SNRPB: variants seen among roughly 807,000 people sequenced by gnomAD.
The protein encoded by SNRPB is small nuclear ribonucleoprotein-associated proteins B and B'.
In SNRPB, 5 loss-of-function variants were observed where a neutral mutation model predicts 26.6. The ratio of observed to expected loss-of-function variants is 0.19; its 90% CI spans 0.10 to 0.39. The LOEUF is 0.39. Among genes scored for constraint, SNRPB ranks in the 10% least tolerant of loss-of-function variants. SNRPB has a pLI of 1.00. For synonymous variants in SNRPB, 122 were observed against 105.8 expected, an observed-to-expected ratio of 1.15 and a Z score of -0.94; for missense variants, 211 against 311.9, an observed-to-expected ratio of 0.68 and a Z score of 2.44.
intron 1 of SNRPB, among the ~76,000 whole-genome samples, chr20:2,469,593 T>C (rs1278834176): frequency 6.6e-6 from 1 of 152,168 alleles, no homozygotes; most frequent in Admixed American, 6.5e-5. Context: ...CTTGGGAGGC[T>C]GAGGCAGGAG....
At chr20:2,462,037 G>T in intron 6 of SNRPB, 98 bp from the exon 7 acceptor site, 1 of 818,138 alleles carries the variant, frequency 1.2e-6, no homozygotes, top group South Asian at 1.5e-5. Flanking sequence ...CGAGTGAGGA[G>T]AGGGGTATAC....
rs201957068 is a variant in SNRPB at position 2,461,882 on chromosome 20, C to T, written c.*47G>A. 9.3e-6 allele frequency: 15 copies of T among 1,613,884 alleles called. No individual in the cohort carries two copies. Among genetic ancestry groups the T allele is most frequent in the East Asian group, 4.5e-5 (2 of 44,876 alleles). ...CTGTGGTAACGTGGCCCTGAGGAAT[C>T]GAGCCCACGCCTCTGCGGAGCTACT... On this transcript the variant is annotated 3_prime_UTR_variant, in exon 7 of 7. Coordinates refer to ENST00000381342, the MANE Select transcript of SNRPB (RefSeq NM_003091.4).
Position 2,463,148 on chromosome 20 carries a change from T to C in SNRPB, c.500A>G (p.Gln167Arg). The change falls in exon 5 of 7, where the codon CAG (glutamine) becomes CGG (arginine). Residue 167 changes from glutamine (Q) to arginine (R), a missense_variant. Transcript: ENST00000381342. This position sits in a 1 kb window ranked among gnomAD's most constrained non-coding sequence, Gnocchi z 5.0. ...ATASIAGAPT[Q>R]YPPGRGGPPP... ...AGGACCCCCACGGCCAGGTGGGTACTGGGTTGGAGCCCCGGCAATACTGGC... is the reference window on the plus strand; with the variant it reads ...AGGACCCCCACGGCCAGGTGGGTACCGGGTTGGAGCCCCGGCAATACTGGC... 6.2e-7 allele frequency: 1 copy of C among 1,612,496 alleles called. No homozygotes were observed. The highest frequency in any genetic ancestry group is 1.1e-5 in the South Asian group (1 of 90,948).
intron 3 of SNRPB, among the ~76,000 whole-genome samples, chr20:2,464,797 G>A (rs772564481): frequency 2.6e-5 from 4 of 151,782 alleles, no homozygotes; most frequent in Non-Finnish European, 4.4e-5. Context: ...TTGAACCCGG[G>A]AGGCAGAGGT....
Position 2,463,183 on chromosome 20 carries a change from A to AGCTGCAGCG in SNRPB, c.456_464dup (p.Ala155_Ala157dup), listed in dbSNP as rs774021768. 1 of 1,608,176 alleles carries AGCTGCAGCG rather than the reference A, an allele frequency of 6.2e-7. No homozygotes were observed. Among genetic ancestry groups the AGCTGCAGCG allele is most frequent in the African/African-American group, 1.3e-5 (1 of 74,818 alleles). ...CCCCGGCAATACTGGCTGTGGCAGC[A>AGCTGCAGCG]GCTGCAGCGGCTGCAACAGTACCTC... On this transcript the variant is annotated inframe_insertion, in exon 5 of 7. Transcript: ENST00000381342. The surrounding 1 kb of genome is among the most constrained non-coding windows in gnomAD (Gnocchi z 5.0).
intron 6 of SNRPB, 27 bp downstream of exon 6, chr20:2,462,609 G>T (rs1281658833): frequency 6.2e-7 from 1 of 1,607,600 alleles, no homozygotes; most frequent in Non-Finnish European, 8.5e-7. Context: ...AGGGAAAGAA[G>T]CCAAAGTCAC....
chr20:2,468,051 T>C (rs2085086361), intron 1 of SNRPB, among the ~76,000 whole-genome samples: 2 of 152,156 alleles, frequency 1.3e-5, no homozygotes, highest in Admixed American at 1.3e-4. Context: ...GTATAGGGTG[T>C]CCCCAAAATA....
chr20:2,463,643 A>G lies in SNRPB; in HGVS notation c.420+104T>C. On this transcript the variant is annotated intron_variant, in intron 4 of 6. Transcript: ENST00000381342. This position sits in a 1 kb window ranked among gnomAD's most constrained non-coding sequence, Gnocchi z 5.0. Reference sequence around the variant, plus strand: ...ACCACAGTGAAACACTGATAGTCTGACAATCACAGGTTGGTCACTCTGGAC... The same window carrying G: ...ACCACAGTGAAACACTGATAGTCTGGCAATCACAGGTTGGTCACTCTGGAC... 1 of 801,412 alleles carries G rather than the reference A, an allele frequency of 1.2e-6. No individual in the cohort carries two copies. The highest frequency in any genetic ancestry group is 1.7e-5 in the African/African-American group (1 of 57,838). The allele number at this position is 801,412 out of a possible 1,614,324, so 49.6% of individuals were successfully genotyped here.
chr20:2,470,161 T>A (rs776738162), intron 1 of SNRPB, among the ~76,000 whole-genome samples: 3 of 152,232 alleles, frequency 2.0e-5, no homozygotes, highest in Non-Finnish European at 4.4e-5. Flanking sequence ...GGAAACGTGA[T>A]GAGCAACTGA....
chr20:2,464,379 T>C (rs1312798250), intron 3 of SNRPB, among the ~76,000 whole-genome samples: 1 of 152,250 alleles, frequency 6.6e-6, no homozygotes, highest in Non-Finnish European at 1.5e-5. Flanking sequence ...GACCAGCCAA[T>C]TCTACTGGAA....
chr20:2,469,601 G>A lies in SNRPB; in HGVS notation c.3+1087C>T, dbSNP rs141181660. On this transcript the variant is annotated intron_variant, in intron 1 of 6. Coordinates refer to ENST00000381342, the MANE Select transcript of SNRPB (RefSeq NM_003091.4). ...CCAGCTACTTGGGAGGCTGAGGCAG[G>A]AGAATCGCTTGAACCCGGGAGGTGG... 1.1e-3 allele frequency among the ~76,000 whole-genome samples: 172 copies of A among 152,288 alleles called. 3 individuals carry two copies. In the East Asian group the frequency reaches 0.031, roughly 27 times the overall value.
intron 6 of SNRPB, 102 bp from the exon 7 acceptor site, chr20:2,462,041 G>A: frequency 1.3e-6 from 1 of 774,336 alleles, no homozygotes; most frequent in South Asian, 1.6e-5. Context: ...TGAGGAGAGG[G>A]GTATACATGG....
chr20:2,464,039 G>A lies in SNRPB; in HGVS notation c.268-140C>T, dbSNP rs185706162. The stretch of plus-strand genomic sequence containing the variant: ...GCTTATAAATACTACCTCTCCATGT[G>A]TGCCAACACCATTCTTCCTCCATCC... On this transcript the variant is annotated intron_variant, in intron 3 of 6. Coordinates refer to ENST00000381342, the MANE Select transcript of SNRPB (RefSeq NM_003091.4). 1.9e-4 allele frequency: 134 copies of A among 714,764 alleles called. 1 individual carries two copies. In the African/African-American group the frequency reaches 2.3e-3, roughly 12 times the overall value. The allele number at this position is 714,764 out of a possible 1,614,324, so 44.3% of individuals were successfully genotyped here.
chr20:2,465,701 G>T lies in SNRPB; in HGVS notation c.267+7C>A. 6.3e-7 allele frequency: 1 copy of T among 1,592,958 alleles called. No homozygotes were observed. The highest frequency in any genetic ancestry group is 8.6e-7 in the Non-Finnish European group (1 of 1,160,864). ...CCTCCTCCACAAGGCTTCCTGCTCTGACTTACATCTTTGGGAGGAGGTCCC... is the reference window on the plus strand; with the variant it reads ...CCTCCTCCACAAGGCTTCCTGCTCTTACTTACATCTTTGGGAGGAGGTCCC... On this transcript the variant is annotated splice_region_variant and intron_variant, in intron 3 of 6. Coordinates refer to ENST00000381342, the MANE Select transcript of SNRPB (RefSeq NM_003091.4).
At chr20:2,465,390 CTTTTTT>C (rs1222595485) in intron 3 of SNRPB, among the ~76,000 whole-genome samples, 1 of 122,296 alleles carries the variant, frequency 8.2e-6, no homozygotes. Flanking sequence ...AGGGTAACCT[CTTTTTT>C]TTTTTTTTGT....
In SNRPB at chr20:2,463,296, C is replaced by G; in HGVS notation, c.421-69G>C. The G allele has an allele frequency of 6.6e-6, 8 of 1,218,708 alleles. No homozygotes were observed. The highest frequency in any genetic ancestry group is 1.5e-5 in the African/African-American group (1 of 67,448). The allele number at this position is 1,218,708 out of a possible 1,614,324, so 75.5% of individuals were successfully genotyped here. ...TGCAGCTTCCCACTCTCCTCCCCAACTTGGGGAAGGACAGTGGGAAATAAC... is the reference window on the plus strand; with the variant it reads ...TGCAGCTTCCCACTCTCCTCCCCAAGTTGGGGAAGGACAGTGGGAAATAAC... On this transcript the variant is annotated intron_variant, in intron 4 of 6. Coordinates refer to ENST00000381342, the MANE Select transcript of SNRPB (RefSeq NM_003091.4). This position sits in a 1 kb window ranked among gnomAD's most constrained non-coding sequence, Gnocchi z 5.0.
chr20:2,463,161 C>T lies in SNRPB; in HGVS notation c.487G>A (p.Gly163Arg), dbSNP rs370050698. 3 of 1,612,662 alleles carry T rather than the reference C, an allele frequency of 1.9e-6. No individual in the cohort carries two copies. The highest frequency in any genetic ancestry group is 1.7e-6 in the Non-Finnish European group (2 of 1,179,016). ...CCAGGTGGGTACTGGGTTGGAGCCC[C>T]GGCAATACTGGCTGTGGCAGCAGCT... ...AAAAATASIA[G>R]APTQYPPGRG... Residue 163 changes from glycine to arginine, a missense_variant, in exon 5 of 7, where the codon GGG becomes AGG. Gly to Arg is a moderately radical substitution (Grantham distance 125). Transcript: ENST00000381342. The surrounding 1 kb of genome is among the most constrained non-coding windows in gnomAD (Gnocchi z 5.0).
intron 2 of SNRPB, among the ~76,000 whole-genome samples, chr20:2,467,031 T>C (rs2085078901): frequency 2.0e-5 from 3 of 152,206 alleles, no homozygotes; most frequent in Admixed American, 2.0e-4. Context: ...CTAAATCATA[T>C]CTTTTAATGG....
In SNRPB at chr20:2,461,792, C is replaced by T. The variant is rs1235128498; in HGVS notation, c.*137G>A. ...GTGGGCGCATTCCCGGGGGAGGGGG[C>T]CCTGTAAGGGAAACCAGACAATCCC... On this transcript the variant is annotated 3_prime_UTR_variant, in exon 7 of 7. Coordinates refer to ENST00000381342, the MANE Select transcript of SNRPB (RefSeq NM_003091.4). 7 of 1,611,856 alleles carry T rather than the reference C, an allele frequency of 4.3e-6. No homozygotes were observed. Among genetic ancestry groups the T allele is most frequent in the South Asian group, 1.1e-5 (1 of 90,756 alleles).
Sources: gnomAD v4.1 joint callset for allele counts (sites outside exome capture counted in the v4.1 genomes callset) on GRCh38, gnomAD v4.1.1 for gene constraint, Gnocchi (gnomAD v3.1) non-coding constraint, MANE v1.5 for transcripts, NCBI Gene and HGNC (gene_info 2026-07-23, HGNC 2026-07-21) for gene names.